The following PPP2R2B variants were observed in gnomAD, a reference collection of about 807,000 sequenced individuals.
The protein encoded by PPP2R2B is serine/threonine-protein phosphatase 2A 55 kDa regulatory subunit B beta isoform.
A neutral mutation model predicts 46.0 loss-of-function variants in PPP2R2B; 5 were observed. The ratio of observed to expected loss-of-function variants is 0.11; its 90% CI spans 0.06 to 0.23. PPP2R2B has a LOEUF of 0.23. PPP2R2B is among the 10% of genes least tolerant of loss of function. The pLI, the probability that PPP2R2B is intolerant of heterozygous loss-of-function variation, is 1.00. For synonymous variants in PPP2R2B, 215 were observed against 206.7 expected, an observed-to-expected ratio of 1.04 and a Z score of -0.34; for missense variants, 367 against 575.0, an observed-to-expected ratio of 0.64 and a Z score of 3.70.
chr5:146,962,427 G>A (rs1490369706), intron 1 of PPP2R2B, among the ~76,000 whole-genome samples: 1 of 151,916 alleles, frequency 6.6e-6, no homozygotes, highest in Non-Finnish European at 1.5e-5. Flanking sequence ...GGGAGACCAA[G>A]GCGGGTGGAT....
chr5:146,805,723 T>C (rs1757136697), intron 2 of PPP2R2B, among the ~76,000 whole-genome samples: 1 of 152,152 alleles, frequency 6.6e-6, no homozygotes, highest in Admixed American at 6.5e-5. Context: ...AATGATACCT[T>C]ACTGGCTAAC....
upstream of PPP2R2B, chr5:146,878,796 C>T (rs1281753856): frequency 7.8e-7 from 1 of 1,277,908 alleles, no homozygotes; most frequent in Non-Finnish European, 1.0e-6. This position sits in a 1 kb window ranked among gnomAD's most constrained non-coding sequence, Gnocchi z 4.5. Context: ...AAAGGCGAGG[C>T]TCCTCCCAAC....
At chr5:147,068,763 G>A (rs1757487057) in intron 2 of PPP2R2B, among the ~76,000 whole-genome samples, 1 of 152,116 alleles carries the variant, frequency 6.6e-6, no homozygotes, top group Non-Finnish European at 1.5e-5. Context: ...AGTTTTCCTT[G>A]GAAAATAGGC....
At chr5:147,046,418 C>G (rs1756545197) in intron 1 of PPP2R2B, among the ~76,000 whole-genome samples, 1 of 152,140 alleles carries the variant, frequency 6.6e-6, no homozygotes, top group South Asian at 2.1e-4. Flanking sequence ...CCCTCTCAGC[C>G]CATCTTTTCT....
intron 5 of PPP2R2B, among the ~76,000 whole-genome samples, chr5:146,686,993 G>T (rs1270835088): frequency 1.3e-5 from 2 of 151,478 alleles, no homozygotes; most frequent in Non-Finnish European, 1.5e-5. Flanking sequence ...TGAGGTCAGA[G>T]ATCTGGAAAG....
At chr5:146,633,189 T>A (rs1013233552) in intron 7 of PPP2R2B, among the ~76,000 whole-genome samples, 14 of 152,188 alleles carry the variant, frequency 9.2e-5, no homozygotes, top group African/African-American at 2.7e-4. Context: ...CAACCCCTGC[T>A]GAGTATGCAG....
chr5:147,018,432 C>T (rs895541907), intron 1 of PPP2R2B, among the ~76,000 whole-genome samples: 2 of 152,088 alleles, frequency 1.3e-5, no homozygotes, highest in African/African-American at 4.8e-5. Context: ...AGTATTCATG[C>T]CTTCACCTCT....
At chr5:146,871,527 T>G (rs890397451) in intron 2 of PPP2R2B, among the ~76,000 whole-genome samples, 2 of 152,218 alleles carry the variant, frequency 1.3e-5, no homozygotes, top group Non-Finnish European at 2.9e-5. Flanking sequence ...ACAGAAGAAA[T>G]CTACAGGAGT....
At chr5:146,758,361 T>A (rs1180084400) in intron 2 of PPP2R2B, among the ~76,000 whole-genome samples, 1 of 152,150 alleles carries the variant, frequency 6.6e-6, no homozygotes, top group African/African-American at 2.4e-5. Context: ...ATTCTTTGAA[T>A]TTCTCTTTCC....
chr5:146,680,551 TAATAAA>T (rs888112204), intron 5 of PPP2R2B, among the ~76,000 whole-genome samples: 2 of 150,700 alleles, frequency 1.3e-5, no homozygotes, highest in African/African-American at 4.9e-5. Flanking sequence ...ATAATAATAA[TAATAAA>T]AAAAACCACA....
chr5:146,744,750 A>G (rs970915334), intron 2 of PPP2R2B, among the ~76,000 whole-genome samples: 7 of 152,174 alleles, frequency 4.6e-5, no homozygotes, highest in African/African-American at 1.7e-4. Flanking sequence ...TTGTTTGTGG[A>G]TCTTATTGAG....
At chr5:146,852,361 A>C (rs1000682844) in intron 2 of PPP2R2B, among the ~76,000 whole-genome samples, 13 of 152,148 alleles carry the variant, frequency 8.5e-5, no homozygotes, top group Non-Finnish European at 4.4e-5. Context: ...TTAACCTAAC[A>C]AATCATAGCC....
At chr5:147,007,621 G>T (rs1002483839) in intron 1 of PPP2R2B, among the ~76,000 whole-genome samples, 3 of 152,176 alleles carry the variant, frequency 2.0e-5, no homozygotes, top group Non-Finnish European at 4.4e-5. Flanking sequence ...TCTTGCTGCT[G>T]CTCACTCTTT....
At chr5:146,707,761 T>G (rs1289010195) in intron 2 of PPP2R2B, among the ~76,000 whole-genome samples, 1 of 152,228 alleles carries the variant, frequency 6.6e-6, no homozygotes, top group Non-Finnish European at 1.5e-5. Flanking sequence ...AATATAAAAC[T>G]AAGTTTCCTT....
intron 1 of PPP2R2B, among the ~76,000 whole-genome samples, chr5:147,025,790 A>T (rs1755501211): frequency 6.6e-6 from 1 of 152,108 alleles, no homozygotes; most frequent in Admixed American, 6.5e-5. Context: ...ACCAAAGAAG[A>T]CACAGAGGAA....
At position 146,981,370 on chromosome 5, in the gene PPP2R2B, A is replaced by AT. The variant is rs1258733106; in HGVS notation, c.79+74294dup. Among the ~76,000 whole-genome samples the AT allele has an allele frequency of 5.9e-5, 9 of 152,150 alleles. No individual in the cohort carries two copies. In the East Asian group the frequency reaches 1.7e-3, roughly 29 times the overall value. On this transcript the variant is annotated intron_variant, in intron 1 of 8. Transcript: ENST00000336640. ...AGAGTTTAGCTGGGTCAAGTCCTAT[A>AT]TAATGAGTTATTTTTTTTTCTTCAG...
intron 1 of PPP2R2B, among the ~76,000 whole-genome samples, chr5:147,042,877 C>T (rs183949371): frequency 1.1e-4 from 17 of 152,036 alleles, no homozygotes; most frequent in Admixed American, 9.2e-4. Context: ...AAGAGCATTC[C>T]AGACGGAGGG....
At chr5:146,950,492 C>A (rs1170463346) in intron 1 of PPP2R2B, among the ~76,000 whole-genome samples, 1 of 151,940 alleles carries the variant, frequency 6.6e-6, no homozygotes, top group Admixed American at 6.6e-5. Context: ...CCTGGAAAGA[C>A]CTTGAAATAT....
intron 2 of PPP2R2B, among the ~76,000 whole-genome samples, chr5:146,748,053 TGGC>T (rs2151231230): frequency 6.6e-6 from 1 of 152,316 alleles, no homozygotes; most frequent in East Asian, 1.9e-4. Context: ...ACTGAGCTCT[TGGC>T]CAAACATAGG....
Sources: gnomAD v4.1 joint callset for allele counts (sites outside exome capture counted in the v4.1 genomes callset) on GRCh38, gnomAD v4.1.1 for gene constraint, Gnocchi (gnomAD v3.1) non-coding constraint, MANE v1.5 for transcripts, NCBI Gene and HGNC (gene_info 2026-07-23, HGNC 2026-07-21) for gene names.